The following COG5 variants were observed in gnomAD, a reference collection of about 807,000 sequenced individuals.
The protein encoded by COG5 is component of oligomeric golgi complex 5.
In COG5, 86 loss-of-function variants were observed where a neutral mutation model predicts 110.4. That is an observed-to-expected ratio of 0.78 (90% CI 0.65 to 0.93). The LOEUF is 0.93. Ranked by LOEUF, COG5 falls within the 40% of genes least tolerant of loss-of-function variation. COG5 has a pLI of 0.00. For synonymous variants in COG5, 360 were observed against 334.6 expected (o/e 1.08, Z -0.83); for missense variants, 1,077 against 987.0 (o/e 1.09, Z -1.22).
At chr7:107,454,134 A>C (rs1795520785) in intron 6 of COG5, among the ~76,000 whole-genome samples, 1 of 151,634 alleles carries the variant, frequency 6.6e-6, no homozygotes, top group Non-Finnish European at 1.5e-5. Context: ...TATATAATTG[A>C]AAAATAATAA....
intron 6 of COG5, among the ~76,000 whole-genome samples, chr7:107,420,577 C>G (rs1793213242): frequency 1.3e-5 from 2 of 152,168 alleles, no homozygotes; most frequent in Admixed American, 1.3e-4. Flanking sequence ...TCTCCTGCCT[C>G]AGCCTCCTGA....
Position 107,527,674 on chromosome 7 carries a change from G to T in COG5, c.418-317C>A, listed in dbSNP as rs17404067. On this transcript the variant is annotated intron_variant, in intron 5 of 21. Coordinates refer to ENST00000297135, the MANE Select transcript of COG5 (RefSeq NM_006348.5). ...GCATCAAATGTCCTAGGGAACACAC[G>T]GAAGTACTATATTTACATTTTACAA... 0.13 allele frequency among the ~76,000 whole-genome samples: 19,063 copies of T among 152,076 alleles called. 1,504 individuals carry two copies. The highest frequency in any genetic ancestry group is 0.17 in the Non-Finnish European group (11,662 of 67,966).
At chr7:107,330,910 C>T (rs1231190935) in intron 10 of COG5, among the ~76,000 whole-genome samples, 2 of 151,396 alleles carry the variant, frequency 1.3e-5, no homozygotes, top group Admixed American at 6.6e-5. Flanking sequence ...GTAACCTCCG[C>T]CTTCCGGGTT....
chr7:107,509,227 G>A (rs185905724), intron 6 of COG5, among the ~76,000 whole-genome samples: 2 of 152,262 alleles, frequency 1.3e-5, no homozygotes, highest in East Asian at 3.9e-4. Context: ...TGAAAGCCAA[G>A]GCTCAAGAAC....
At chr7:107,332,770 A>G (rs1026561498) in intron 10 of COG5, among the ~76,000 whole-genome samples, 2 of 152,166 alleles carry the variant, frequency 1.3e-5, no homozygotes, top group African/African-American at 4.8e-5. Context: ...TGTGAAGGAA[A>G]AAAGTGTTTA....
intron 5 of COG5, among the ~76,000 whole-genome samples, chr7:107,540,551 C>G (rs1346038551): frequency 2.7e-5 from 4 of 150,470 alleles, no homozygotes; most frequent in Non-Finnish European, 3.0e-5. Flanking sequence ...ATACTCCAGC[C>G]CAAGTGACAG....
intron 12 of COG5, among the ~76,000 whole-genome samples, chr7:107,294,881 TTGTGTGTGTGTGTGTGTGTGTGTGTG>T (rs756358916): frequency 3.2e-5 from 3 of 94,276 alleles, no homozygotes; most frequent in East Asian, 3.5e-4. Context: ...ATGCCTGGAT[TTGTGTGTGTGTGTGTGTGTGTGTGTG>T]TGTGTGTGTG....
At chr7:107,455,915 T>TC (rs1380548763) in intron 6 of COG5, among the ~76,000 whole-genome samples, 2 of 151,988 alleles carry the variant, frequency 1.3e-5, no homozygotes, top group African/African-American at 4.8e-5. Context: ...TGCCTCAGCC[T>TC]CCCAAGCAGC....
intron 1 of COG5, among the ~76,000 whole-genome samples, chr7:107,561,288 G>C (rs1803754685): frequency 6.6e-6 from 1 of 152,148 alleles, no homozygotes; most frequent in African/African-American, 2.4e-5. Context: ...CCGATACTCT[G>C]TCATTGGCCA....
chr7:107,279,239 T>C (rs1165711992), intron 14 of COG5, among the ~76,000 whole-genome samples: 1 of 152,188 alleles, frequency 6.6e-6, no homozygotes, highest in East Asian at 1.9e-4. Flanking sequence ...CACAATGAGA[T>C]ACCATCTCAT....
chr7:107,556,539 T>C (rs889212476), intron 2 of COG5, among the ~76,000 whole-genome samples: 5 of 152,082 alleles, frequency 3.3e-5, no homozygotes, highest in Non-Finnish European at 5.9e-5. Context: ...GAATTTCAGG[T>C]GGTTCTTGCA....
chr7:107,538,161 C>A (rs950117590), intron 5 of COG5, among the ~76,000 whole-genome samples: 2 of 152,138 alleles, frequency 1.3e-5, no homozygotes, highest in African/African-American at 4.8e-5. Flanking sequence ...TTCTTTGTAA[C>A]CACATGTACA....
intron 10 of COG5, among the ~76,000 whole-genome samples, chr7:107,333,595 AATAC>A (rs1810452740): frequency 6.6e-6 from 1 of 152,176 alleles, no homozygotes; most frequent in African/African-American, 2.4e-5. Flanking sequence ...TCAGATTTTA[AATAC>A]ATTTTGAAGG....
chr7:107,523,865 T>C (rs2129154021), intron 6 of COG5, among the ~76,000 whole-genome samples: 1 of 149,842 alleles, frequency 6.7e-6, no homozygotes, highest in South Asian at 2.1e-4. Context: ...CTTTGAAAAA[T>C]AATCTTGGCA....
Position 107,216,500 on chromosome 7 carries a change from C to T in COG5, c.2169-5275G>A, listed in dbSNP as rs539811424. On this transcript the variant is annotated intron_variant, in intron 19 of 21. Coordinates refer to ENST00000297135, the MANE Select transcript of COG5 (RefSeq NM_006348.5). ...CTTCAGGATATGTCATATGTTAGGT[C>T]GCAAACCAAGTTTGAACAAATTTAG... is the stretch of plus-strand genomic sequence containing the variant. 2.0e-5 allele frequency among the ~76,000 whole-genome samples: 3 copies of T among 152,228 alleles called. No homozygotes were observed. The South Asian group carries it at 6.2e-4, about 32-fold the overall frequency.
chr7:107,226,014 AC>A (rs1216121175), intron 19 of COG5, among the ~76,000 whole-genome samples: 1 of 152,034 alleles, frequency 6.6e-6, no homozygotes, highest in Non-Finnish European at 1.5e-5. Context: ...TTGCACTCCA[AC>A]CTGGGGGACA....
At chr7:107,405,024 A>T (rs988353795) in intron 7 of COG5, among the ~76,000 whole-genome samples, 1 of 152,152 alleles carries the variant, frequency 6.6e-6, no homozygotes, top group Admixed American at 6.5e-5. Flanking sequence ...TTTCAATACA[A>T]ATTGCTTCAC....
At chr7:107,415,717 T>G (rs1044346418) in intron 6 of COG5, among the ~76,000 whole-genome samples, 3 of 149,920 alleles carry the variant, frequency 2.0e-5, no homozygotes, top group African/African-American at 7.4e-5. Flanking sequence ...TGTGCATGAA[T>G]GTATATATGT....
chr7:107,482,830 C>T (rs926059800), intron 6 of COG5, among the ~76,000 whole-genome samples: 11 of 152,152 alleles, frequency 7.2e-5, no homozygotes, highest in Non-Finnish European at 1.5e-4. Flanking sequence ...CTCAACCATA[C>T]TACTCAATTA....
Sources: gnomAD v4.1 joint callset for allele counts (sites outside exome capture counted in the v4.1 genomes callset) on GRCh38, gnomAD v4.1.1 for gene constraint, MANE v1.5 for transcripts, NCBI Gene and HGNC (gene_info 2026-07-23, HGNC 2026-07-21) for gene names.